The following RGS21 variants were observed in gnomAD, a reference collection of about 807,000 sequenced individuals.
RGS21 encodes regulator of G-protein signalling 21.
A neutral mutation model predicts 18.7 loss-of-function variants in RGS21; 19 were observed. The observed-to-expected ratio is 1.01, with a 90% confidence interval of 0.71 to 1.49. The LOEUF (loss-of-function observed/expected upper bound fraction) is 1.49, where lower values mean the gene tolerates loss of function less well. RGS21 is among the 40% of genes most tolerant of loss of function. RGS21 has a pLI of 0.00. For synonymous variants in RGS21, 56 were observed against 57.8 expected, an observed-to-expected ratio of 0.97 and a Z score of 0.14; for missense variants, 194 against 176.8, an observed-to-expected ratio of 1.10 and a Z score of -0.55.
chr1:192,364,744 T>C (rs965579997), intron 4 of RGS21, among the ~76,000 whole-genome samples: 2 of 152,088 alleles, frequency 1.3e-5, no homozygotes, highest in Admixed American at 6.6e-5. Context: ...GATTTACTAT[T>C]ATGTGGTAGG....
chr1:192,326,244 T>C (rs1412149067), intron 1 of RGS21, among the ~76,000 whole-genome samples: 1 of 152,096 alleles, frequency 6.6e-6, no homozygotes, highest in Non-Finnish European at 1.5e-5. Context: ...ATAAAAGTTA[T>C]TTTAAAATAC....
chr1:192,321,311 TTTAA>T (rs1181882762), intron 1 of RGS21, among the ~76,000 whole-genome samples: 1 of 151,928 alleles, frequency 6.6e-6, no homozygotes, highest in Non-Finnish European at 1.5e-5. Flanking sequence ...AAACCACCAA[TTTAA>T]TTACTTTTCT....
At chr1:192,344,752 A>T (rs1658923134) in intron 2 of RGS21, among the ~76,000 whole-genome samples, 1 of 152,052 alleles carries the variant, frequency 6.6e-6, no homozygotes, top group Non-Finnish European at 1.5e-5. Flanking sequence ...GATAGTCAAA[A>T]TTTAACCTTC....
At chr1:192,361,576 C>T (rs1289513951) in intron 4 of RGS21, among the ~76,000 whole-genome samples, 3 of 152,020 alleles carry the variant, frequency 2.0e-5, no homozygotes, top group Admixed American at 6.5e-5. Context: ...GACGGAGTCT[C>T]GCTCTGTCGC....
At chr1:192,348,861 G>T (rs1371801098) in intron 3 of RGS21, among the ~76,000 whole-genome samples, 1 of 151,978 alleles carries the variant, frequency 6.6e-6, no homozygotes, top group Non-Finnish European at 1.5e-5. Flanking sequence ...CAATAGAGCT[G>T]AATTCACAGC....
intron 4 of RGS21, among the ~76,000 whole-genome samples, chr1:192,364,469 A>T (rs1659226969): frequency 6.6e-6 from 1 of 152,132 alleles, no homozygotes; most frequent in Non-Finnish European, 1.5e-5. Context: ...TCCTGAAAAC[A>T]TTTTAAGATA....
chr1:192,335,989 G>A (rs1658760536), intron 1 of RGS21, among the ~76,000 whole-genome samples: 1 of 152,124 alleles, frequency 6.6e-6, no homozygotes, highest in African/African-American at 2.4e-5. Flanking sequence ...AGTTGCTGTT[G>A]AACAAAGTAT....
At position 192,366,012 on chromosome 1, in the gene RGS21, A is replaced by G. The variant is rs1256040516; in HGVS notation, c.347A>G (p.Tyr116Cys). 3.1e-6 allele frequency: 5 copies of G among 1,609,844 alleles called. No homozygotes were observed. Among genetic ancestry groups the G allele is most frequent in the South Asian group, 1.1e-5 (1 of 90,978 alleles). The stretch of plus-strand genomic sequence containing the variant: ...TTTGATGAGGCTCAGAAATTAATCT[A>G]TTGTCTCATGGCCAAGGATTCTTTC... The part of the protein sequence containing the change: ...KCFDEAQKLI[Y>C]CLMAKDSFPR... Residue 116 changes from tyrosine (Y) to cysteine (C), a missense_variant, in exon 5 of 5, where the codon TAT becomes TGT. By Grantham distance (194) the Tyr-to-Cys change is radical. Transcript: ENST00000417209.
In RGS21 at chr1:192,355,342, GCTATTGAAACTAA is replaced by G. The variant is rs1659096149; in HGVS notation, c.255+3140_255+3152del. 2.0e-5 allele frequency among the ~76,000 whole-genome samples: 3 copies of G among 151,758 alleles called. No individual in the cohort carries two copies. The South Asian group carries it at 6.2e-4, about 31-fold the overall frequency. ...TTTCTTTAAACAAGTCACGATAAGTGCTATTGAAACTAACTATTGAAACAACCCTTAGCTTATT... is the reference window on the plus strand; with the variant it reads ...TTTCTTTAAACAAGTCACGATAAGTGCTATTGAAACAACCCTTAGCTTATT... On this transcript the variant is annotated intron_variant, in intron 4 of 4. Transcript: ENST00000417209.
intron 4 of RGS21, among the ~76,000 whole-genome samples, chr1:192,356,985 C>T (rs183572244): frequency 6.6e-6 from 1 of 151,842 alleles, no homozygotes; most frequent in Non-Finnish European, 1.5e-5. Context: ...AAAAGACAGT[C>T]ATGGTCCCTG....
Position 192,340,629 on chromosome 1 carries a change from G to A in RGS21, c.-60-2348G>A, listed in dbSNP as rs529826219. 3.9e-5 allele frequency among the ~76,000 whole-genome samples: 6 copies of A among 152,062 alleles called. No homozygotes were observed. In the East Asian group the frequency reaches 1.2e-3, roughly 29 times the overall value. ...TACATTTATTATCTCAGAGTCCAGG[G>A]GACATGTATTAGTCTGTTCTCATGC... On this transcript the variant is annotated intron_variant, in intron 1 of 4. Coordinates refer to ENST00000417209, the MANE Select transcript of RGS21 (RefSeq NM_001039152.3).
At position 192,343,027 on chromosome 1, in the gene RGS21, G is replaced by A. The variant is rs765274775; in HGVS notation, c.-10G>A. ...CTCGGCATCATCTGTGACAGACAGTGGAACGAAAAATGCCAGTGAAGTGAG... is the reference window on the plus strand; with the variant it reads ...CTCGGCATCATCTGTGACAGACAGTAGAACGAAAAATGCCAGTGAAGTGAG... On this transcript the variant is annotated 5_prime_UTR_variant, in exon 2 of 5. Coordinates refer to ENST00000417209, the MANE Select transcript of RGS21 (RefSeq NM_001039152.3). The A allele has an allele frequency of 6.2e-6, 10 of 1,612,500 alleles. No individual in the cohort carries two copies. In the South Asian group the frequency reaches 9.9e-5, roughly 16 times the overall value.
intron 1 of RGS21, among the ~76,000 whole-genome samples, chr1:192,336,073 G>T (rs1445458148): frequency 6.6e-6 from 1 of 152,186 alleles, no homozygotes; most frequent in Non-Finnish European, 1.5e-5. Flanking sequence ...CTAAAAATCA[G>T]TTAATTGAAA....
chr1:192,319,302 CT>C (rs573957891), intron 1 of RGS21, among the ~76,000 whole-genome samples: 5 of 152,020 alleles, frequency 3.3e-5, no homozygotes, highest in South Asian at 4.1e-4. Context: ...TCCCTTCCAA[CT>C]TTTTTTTATA....
At chr1:192,362,234 TTA>T (rs1659196511) in intron 4 of RGS21, among the ~76,000 whole-genome samples, 1 of 152,122 alleles carries the variant, frequency 6.6e-6, no homozygotes, top group African/African-American at 2.4e-5. Flanking sequence ...GTGATAAAAG[TTA>T]TATTTTGGTA....
At chr1:192,359,653 GTGTATATA>G (rs1352962875) in intron 4 of RGS21, among the ~76,000 whole-genome samples, 8 of 104,518 alleles carry the variant, frequency 7.7e-5, no homozygotes, top group Non-Finnish European at 1.3e-4. Context: ...ATGTGTGTGT[GTGTATATA>G]TATATATATA....
chr1:192,338,605 C>G (rs1214518764), intron 1 of RGS21, among the ~76,000 whole-genome samples: 1 of 152,054 alleles, frequency 6.6e-6, no homozygotes, highest in African/African-American at 2.4e-5. Context: ...TTCTCCTTAA[C>G]CTCTCTTTGT....
intron 1 of RGS21, among the ~76,000 whole-genome samples, chr1:192,326,019 T>A (rs867944474): frequency 2.0e-5 from 3 of 152,202 alleles, no homozygotes; most frequent in East Asian, 1.9e-4. Context: ...TTATTTACAT[T>A]ATTAAGATAA....
At chr1:192,347,884 TC>T (rs1305698222) in intron 3 of RGS21, among the ~76,000 whole-genome samples, 4 of 151,980 alleles carry the variant, frequency 2.6e-5, no homozygotes, top group African/African-American at 9.7e-5. Flanking sequence ...GGTATCAAAC[TC>T]CTGACCTCAG....
Sources: gnomAD v4.1 joint callset for allele counts (sites outside exome capture counted in the v4.1 genomes callset) on GRCh38, gnomAD v4.1.1 for gene constraint, MANE v1.5 for transcripts, NCBI Gene and HGNC (gene_info 2026-07-23, HGNC 2026-07-21) for gene names.